SPECC1L: variants seen among roughly 807,000 people sequenced by gnomAD.
SPECC1L encodes the protein sperm antigen with calponin homology and coiled-coil domains 1 like, also known as cytospin-A.
In SPECC1L, 40 loss-of-function variants were observed where a neutral mutation model predicts 116.8. That is an observed-to-expected ratio of 0.34 (90% confidence interval 0.27 to 0.45). The LOEUF (loss-of-function observed/expected upper bound fraction) is 0.45, where lower values mean the gene tolerates loss of function less well. Ranked by LOEUF, SPECC1L falls within the 20% of genes least tolerant of loss-of-function variation. The probability of loss-of-function intolerance (pLI) is 1.00; values close to 1 mark genes in which losing one functional copy is unlikely to be tolerated. For missense variants in SPECC1L, 1,110 were observed against 1,373.6 expected (o/e 0.81, Z 3.03); for synonymous variants, 504 against 500.6 (o/e 1.01, Z -0.09).
intron 14 of SPECC1L, among the ~76,000 whole-genome samples, chr22:24,410,235 C>T (rs1459272296): frequency 6.6e-6 from 1 of 152,214 alleles, no homozygotes; most frequent in Non-Finnish European, 1.5e-5. Flanking sequence ...CAGGCACAGT[C>T]ATACCATGCT....
intron 14 of SPECC1L, among the ~76,000 whole-genome samples, chr22:24,397,873 T>C (rs1329850517): frequency 6.6e-6 from 1 of 152,214 alleles, no homozygotes; most frequent in East Asian, 1.9e-4. Flanking sequence ...AAACCTTTGT[T>C]TGCCTGAAGA....
At chr22:24,299,252 T>A (rs781433209) in intron 2 of SPECC1L, among the ~76,000 whole-genome samples, 8 of 152,180 alleles carry the variant, frequency 5.3e-5, no homozygotes, top group Non-Finnish European at 1.0e-4. Context: ...TATTTCAGGA[T>A]AGTAAAGGTA....
chr22:24,375,399 A>G (rs968001818), intron 14 of SPECC1L, among the ~76,000 whole-genome samples: 6 of 152,244 alleles, frequency 3.9e-5, no homozygotes, highest in African/African-American at 1.4e-4. Context: ...GCCCTTGACA[A>G]AATAATGACA....
chr22:24,369,761 C>G (rs1387628007), intron 14 of SPECC1L, among the ~76,000 whole-genome samples: 1 of 152,200 alleles, frequency 6.6e-6, no homozygotes, highest in Non-Finnish European at 1.5e-5. Flanking sequence ...TCCACAGTAC[C>G]CAATATTTCC....
At position 24,411,557 on chromosome 22, in the gene SPECC1L, T is replaced by C. The variant is rs998193761; in HGVS notation, c.3088-31T>C. The C allele has an allele frequency of 4.4e-6, 7 of 1,591,210 alleles. No homozygotes were observed. The Admixed American group carries it at 8.3e-5, about 19-fold the overall frequency. ...TCTCCTAAGAGGGTCCCAGCATGTGTTGGTTACATGTTTTTCTTCCTTTCC... is the reference window on the plus strand; with the variant it reads ...TCTCCTAAGAGGGTCCCAGCATGTGCTGGTTACATGTTTTTCTTCCTTTCC... On this transcript the variant is annotated intron_variant, in intron 14 of 16. Transcript: ENST00000314328.
chr22:24,405,647 C>A (rs1601360586), intron 14 of SPECC1L, among the ~76,000 whole-genome samples: 1 of 152,036 alleles, frequency 6.6e-6, no homozygotes, highest in African/African-American at 2.4e-5. Flanking sequence ...CGAGACCAGC[C>A]TGACCAACAT....
At chr22:24,336,824 C>T (rs1282318012) in intron 9 of SPECC1L, among the ~76,000 whole-genome samples, 2 of 152,108 alleles carry the variant, frequency 1.3e-5, no homozygotes, top group Admixed American at 1.3e-4. Flanking sequence ...CAAATACAGT[C>T]CCTGACTTAA....
chr22:24,326,918 T>A (rs1293528613), intron 6 of SPECC1L, among the ~76,000 whole-genome samples: 1 of 152,202 alleles, frequency 6.6e-6, no homozygotes, highest in African/African-American at 2.4e-5. Context: ...ATAATTATTA[T>A]TCCACATATA....
At chr22:24,319,608 G>C (rs1247581628) in intron 4 of SPECC1L, among the ~76,000 whole-genome samples, 3 of 152,116 alleles carry the variant, frequency 2.0e-5, no homozygotes, top group African/African-American at 7.2e-5. Context: ...ACTGAATTCT[G>C]CCTATCTTTT....
intron 7 of SPECC1L, 74 bp from the exon 8 acceptor site, chr22:24,330,182 A>C (rs2040911324): frequency 6.6e-7 from 1 of 1,508,084 alleles, no homozygotes; most frequent in Admixed American, 1.7e-5. Context: ...ATCCAATCAT[A>C]AACAAATTTT....
At chr22:24,368,217 A>G (rs1203248388) in intron 13 of SPECC1L, among the ~76,000 whole-genome samples, 50 of 152,176 alleles carry the variant, frequency 3.3e-4, no homozygotes, top group Admixed American at 3.2e-3. Flanking sequence ...AACCCCCCCA[A>G]ACTTCTACAG....
chr22:24,356,461 T>A (rs1032447545), intron 11 of SPECC1L, among the ~76,000 whole-genome samples: 1 of 152,164 alleles, frequency 6.6e-6, no homozygotes, highest in African/African-American at 2.4e-5. Context: ...TGTTCTGAAG[T>A]CTTTCTTTTC....
At chr22:24,390,029 A>G (rs1038381314) in intron 14 of SPECC1L, among the ~76,000 whole-genome samples, 2 of 152,084 alleles carry the variant, frequency 1.3e-5, no homozygotes, top group African/African-American at 2.4e-5. Flanking sequence ...ATACTGGAAA[A>G]GACAAGGGAA....
Position 24,322,056 on chromosome 22 carries a change from G to T in SPECC1L, c.1076G>T (p.Ser359Ile), listed in dbSNP as rs1366863127. 1 of 1,614,180 alleles carries T rather than the reference G, an allele frequency of 6.2e-7. No homozygotes were observed. The highest frequency in any genetic ancestry group is 8.5e-7 in the Non-Finnish European group (1 of 1,180,046). Residue 359 changes from serine to isoleucine, a missense_variant, in exon 5 of 17, where the codon AGC becomes ATC. By Grantham distance (142) the Ser-to-Ile change is moderately radical (BLOSUM62 -2). Transcript: ENST00000314328. ...CSEVYQPLTS[S>I]DDALDAPSSS... ...GAGGTCTACCAGCCCCTCACATCGAGCGATGATGCGCTGGATGCACCATCC... is the reference window on the plus strand; with the variant it reads ...GAGGTCTACCAGCCCCTCACATCGATCGATGATGCGCTGGATGCACCATCC...
chr22:24,382,863 A>G (rs2042088162), intron 14 of SPECC1L, among the ~76,000 whole-genome samples: 1 of 152,076 alleles, frequency 6.6e-6, no homozygotes, highest in South Asian at 2.1e-4. Flanking sequence ...TCCAGCCTGG[A>G]CAACAGAGTG....
At chr22:24,366,239 T>C (rs1273381266) in intron 13 of SPECC1L, among the ~76,000 whole-genome samples, 8 of 151,930 alleles carry the variant, frequency 5.3e-5, no homozygotes, top group Admixed American at 5.2e-4. Context: ...GTCGCCCAGG[T>C]TGGAGTGCAG....
intron 11 of SPECC1L, among the ~76,000 whole-genome samples, chr22:24,348,267 A>G (rs2041345707): frequency 6.6e-6 from 1 of 152,190 alleles, no homozygotes; most frequent in South Asian, 2.1e-4. Flanking sequence ...TAGGCTGTGT[A>G]TGTTAGACTA....
At chr22:24,280,576 CAT>C (rs2048922277) in intron 2 of SPECC1L, among the ~76,000 whole-genome samples, 1 of 138,854 alleles carries the variant, frequency 7.2e-6, no homozygotes. Context: ...GTTTCAATAA[CAT>C]TTTTTTTTTT....
At chr22:24,401,706 G>A (rs1251422614) in intron 14 of SPECC1L, among the ~76,000 whole-genome samples, 2 of 152,174 alleles carry the variant, frequency 1.3e-5, no homozygotes, top group Non-Finnish European at 2.9e-5. Flanking sequence ...CATTTTAGAT[G>A]TACCACCCCA....
Sources: allele counts gnomAD v4.1 joint callset (sites outside exome capture counted in the v4.1 genomes callset), GRCh38; gene constraint gnomAD v4.1.1; transcripts MANE v1.5; gene names NCBI Gene and HGNC (gene_info 2026-07-23, HGNC 2026-07-21).